The following STARD13 variants were observed in gnomAD, a reference collection of about 807,000 sequenced individuals.
STARD13 encodes the protein StAR related lipid transfer domain containing 13, also known as stAR-related lipid transfer protein 13.
A neutral mutation model predicts 106.4 loss-of-function variants in STARD13; 62 were observed. That is an observed-to-expected ratio of 0.58 (90% CI 0.48 to 0.72). The LOEUF (loss-of-function observed/expected upper bound fraction) is 0.72, where lower values mean the gene tolerates loss of function less well. Ranked by LOEUF, STARD13 falls within the 30% of genes least tolerant of loss-of-function variation. The probability of loss-of-function intolerance (pLI) is 0.00; values close to 1 mark genes in which losing one functional copy is unlikely to be tolerated. For missense variants in STARD13, 1,387 were observed against 1,424.0 expected (o/e 0.97, Z 0.42); for synonymous variants, 565 against 553.0 (o/e 1.02, Z -0.31).
At chr13:33,494,095 C>T in the STARD13 span, among the ~76,000 whole-genome samples, 1 of 152,176 alleles carries the variant, frequency 6.6e-6, no homozygotes, top group Non-Finnish European at 1.5e-5. Flanking sequence ...GGACAGAAAG[C>T]GCTCCAATTC....
chr13:33,584,977 A>G, the STARD13 span, among the ~76,000 whole-genome samples: 6 of 152,276 alleles, frequency 3.9e-5, no homozygotes, highest in African/African-American at 1.4e-4. Context: ...TGCCAGCATC[A>G]GGCTTCCTGT....
rs1273854839 is a variant in STARD13, at chr13:33,233,670, C to G, written c.169+51800G>C. ...CAGCCCTTTGCCCTTGTTGGCAGAG[C>G]AGCCACCCCACACGATGAGGCAAGG... On this transcript the variant is annotated intron_variant, in intron 1 of 13. Coordinates refer to ENST00000336934, the MANE Select transcript of STARD13 (RefSeq NM_178006.4). Among the ~76,000 whole-genome samples the G allele has an allele frequency of 3.9e-5, 6 of 152,370 alleles. 1 individual carries two copies. The Middle Eastern group carries it at 0.017, about 432-fold the overall frequency.
Position 33,129,716 on chromosome 13 carries a change from T to C in STARD13, c.961A>G (p.Lys321Glu). 1 of 1,614,168 alleles carries C rather than the reference T, an allele frequency of 6.2e-7. No individual in the cohort carries two copies. Among genetic ancestry groups the C allele is most frequent in the South Asian group, 1.1e-5 (1 of 91,088 alleles). The change falls in exon 5 of 14, where the codon AAA becomes GAA. Residue 321 changes from lysine (K) to glutamate (E), a missense_variant. Lys to Glu is a moderately conservative substitution (Grantham distance 56). Coordinates refer to ENST00000336934, the MANE Select transcript of STARD13 (RefSeq NM_178006.4). ...LQNSPPPACR[K>E]GLPCSGKSSG... ...GACTTGCCAGAGCATGGGAGCCCTT[T>C]TCTGCAGGCAGGTGGCGGCGAATTC...
chr13:33,213,339 C>T (rs970537427), intron 1 of STARD13, among the ~76,000 whole-genome samples: 4 of 152,152 alleles, frequency 2.6e-5, no homozygotes, highest in South Asian at 4.2e-4. Flanking sequence ...AAAATCTTGT[C>T]GGCAAAGAGT....
intron 1 of STARD13, among the ~76,000 whole-genome samples, chr13:33,295,708 G>GC (rs1216202569): frequency 2.6e-5 from 4 of 152,156 alleles, no homozygotes; most frequent in African/African-American, 9.7e-5. Flanking sequence ...GGTGCCCGGG[G>GC]GGGGCAGAGG....
At chr13:33,571,579 C>T in the STARD13 span, among the ~76,000 whole-genome samples, 3 of 152,104 alleles carry the variant, frequency 2.0e-5, no homozygotes, top group African/African-American at 7.2e-5. Context: ...ACACTCTTTC[C>T]CCATCATTGC....
the STARD13 span, among the ~76,000 whole-genome samples, chr13:33,592,646 G>A: frequency 6.6e-6 from 1 of 152,312 alleles, no homozygotes; most frequent in East Asian, 1.9e-4. Context: ...TTTATAAGGA[G>A]TGCAACGAAG....
the STARD13 span, among the ~76,000 whole-genome samples, chr13:33,430,320 T>A: frequency 6.6e-6 from 1 of 152,244 alleles, no homozygotes; most frequent in Non-Finnish European, 1.5e-5. Flanking sequence ...TATTTCACAT[T>A]GCATGCCTCT....
the STARD13 span, among the ~76,000 whole-genome samples, chr13:33,601,045 A>G: frequency 6.6e-6 from 1 of 152,110 alleles, no homozygotes; most frequent in African/African-American, 2.4e-5. Flanking sequence ...TGGGAATTCT[A>G]CTATTCTTGT....
chr13:33,191,271 AC>A (rs1417073230), intron 1 of STARD13, among the ~76,000 whole-genome samples: 1 of 152,236 alleles, frequency 6.6e-6, no homozygotes, highest in Non-Finnish European at 1.5e-5. Context: ...TTGGCTGGTC[AC>A]AGACCCCATC....
chr13:33,519,906 T>C, the STARD13 span: 1 of 151,910 alleles, frequency 6.6e-6, no homozygotes, highest in Non-Finnish European at 1.5e-5. Context: ...CCATAAATAT[T>C]TGCAGGCCGA....
At chr13:33,153,225 C>T (rs1593982446) in intron 3 of STARD13, among the ~76,000 whole-genome samples, 2 of 152,110 alleles carry the variant, frequency 1.3e-5, no homozygotes. Flanking sequence ...CACCAAGCAC[C>T]CACGATATAC....
the STARD13 span, among the ~76,000 whole-genome samples, chr13:33,468,731 A>G: frequency 1.3e-5 from 2 of 152,338 alleles, no homozygotes; most frequent in South Asian, 4.1e-4. Flanking sequence ...TCTATTCATT[A>G]TAAGTTACCC....
chr13:33,138,416 T>TTTTA (rs1566017188), intron 4 of STARD13: 1 of 151,304 alleles, frequency 6.6e-6, no homozygotes, highest in Non-Finnish European at 1.5e-5. Flanking sequence ...TTGGCTTTTT[T>TTTTA]TTTTTTTTTT....
chr13:33,200,149 C>T (rs1029168130), intron 1 of STARD13, among the ~76,000 whole-genome samples: 3 of 152,256 alleles, frequency 2.0e-5, no homozygotes, highest in Non-Finnish European at 1.5e-5. Context: ...TAACCAAACA[C>T]GCTGCCTTCT....
intron 1 of STARD13, among the ~76,000 whole-genome samples, chr13:33,183,622 T>A (rs575747242): frequency 6.6e-6 from 1 of 152,162 alleles, no homozygotes; most frequent in African/African-American, 2.4e-5. Flanking sequence ...AGAAATCTCA[T>A]GAAGCTTAGA....
chr13:33,325,238 C>T (rs757027671), intron 1 of STARD13, among the ~76,000 whole-genome samples: 2 of 152,128 alleles, frequency 1.3e-5, no homozygotes, highest in African/African-American at 4.8e-5. Flanking sequence ...TAAGTGAAGG[C>T]TCAGTTTAAC....
intron 1 of STARD13, among the ~76,000 whole-genome samples, chr13:33,301,375 CTCT>C (rs1413315950): frequency 6.6e-6 from 1 of 152,164 alleles, no homozygotes; most frequent in Non-Finnish European, 1.5e-5. Flanking sequence ...TGTCTTCTCT[CTCT>C]TCTTCTGGAT....
intron 1 of STARD13, among the ~76,000 whole-genome samples, chr13:33,197,570 T>C (rs943236165): frequency 1.3e-5 from 2 of 152,188 alleles, no homozygotes; most frequent in African/African-American, 4.8e-5. Flanking sequence ...ACAAACTTTA[T>C]AAATATTCTC....
Sources: gnomAD v4.1 joint callset for allele counts (sites outside exome capture counted in the v4.1 genomes callset) on GRCh38, gnomAD v4.1.1 for gene constraint, MANE v1.5 for transcripts, NCBI Gene and HGNC (gene_info 2026-07-23, HGNC 2026-07-21) for gene names.